Variants in RYR2 observed in about 807,000 individuals in gnomAD.
RYR2 encodes cardiac muscle ryanodine receptor-calcium release channel.
Under a neutral mutation model 601.1 loss-of-function variants are expected in RYR2, and 227 were observed. The observed-to-expected ratio is 0.38, with a 90% CI of 0.34 to 0.42. RYR2 has a LOEUF of 0.42. RYR2 is among the 10% of genes least tolerant of loss of function. The pLI is 1.00. For missense variants in RYR2, 4,646 were observed against 6,156.5 expected (o/e 0.75, Z 8.21); for synonymous variants, 2,223 against 2,175.1 (o/e 1.02, Z -0.61).
At chr1:237,695,522 T>G (rs182384669) in intron 63 of RYR2, among the ~76,000 whole-genome samples, 52 of 152,284 alleles carry the variant, frequency 3.4e-4, no homozygotes, top group Non-Finnish European at 5.9e-4. Context: ...TTATGTAAAC[T>G]TAAGTACATA....
At chr1:237,360,827 A>G (rs1699718783) in intron 4 of RYR2, among the ~76,000 whole-genome samples, 1 of 152,140 alleles carries the variant, frequency 6.6e-6, no homozygotes, top group South Asian at 2.1e-4. Context: ...TTTTCAGAGC[A>G]TCTTGGACAT....
chr1:237,698,786 C>A (rs1249469072), intron 63 of RYR2, among the ~76,000 whole-genome samples, 179 bp from the exon 64 acceptor site: 1 of 152,106 alleles, frequency 6.6e-6, no homozygotes, highest in Non-Finnish European at 1.5e-5. Flanking sequence ...TTTCTACTTA[C>A]ATTTGCATAA....
intron 17 of RYR2, among the ~76,000 whole-genome samples, chr1:237,477,514 T>C (rs1451072311): frequency 6.6e-6 from 1 of 152,204 alleles, no homozygotes; most frequent in Non-Finnish European, 1.5e-5. Context: ...AGAACTGAAG[T>C]TTTGGCTTTT....
intron 17 of RYR2, among the ~76,000 whole-genome samples, chr1:237,475,497 T>C (rs1317156892): frequency 6.6e-6 from 1 of 152,166 alleles, no homozygotes; most frequent in African/African-American, 2.4e-5. Flanking sequence ...AGAAATGATC[T>C]GAGGCCCCAA....
intron 14 of RYR2, among the ~76,000 whole-genome samples, chr1:237,452,264 T>C (rs1184846946): frequency 7.4e-6 from 1 of 134,958 alleles, no homozygotes; most frequent in Non-Finnish European, 1.6e-5. Context: ...ATAGTATATG[T>C]TATATATACT....
At chr1:237,657,847 T>G in intron 53 of RYR2, 97 bp from the exon 54 acceptor site, 150 of 603,142 alleles carry the variant, frequency 2.5e-4, no homozygotes, top group Middle Eastern at 8.3e-4. Flanking sequence ...TAAAATTGAA[T>G]GAGATATAAG....
At chr1:237,478,127 A>G (rs1307924328) in intron 17 of RYR2, among the ~76,000 whole-genome samples, 1 of 150,706 alleles carries the variant, frequency 6.6e-6, no homozygotes, top group Non-Finnish European at 1.5e-5. Context: ...TATCAAAAAC[A>G]GGGTTCATCC....
intron 1 of RYR2, among the ~76,000 whole-genome samples, chr1:237,208,964 A>ATATATATATATG (rs1558428001): frequency 9.6e-6 from 1 of 104,584 alleles, no homozygotes; most frequent in Non-Finnish European, 2.1e-5. Flanking sequence ...ATATATATAT[A>ATATATATATATG]TATATATATA....
chr1:237,170,312 C>T (rs569815678), intron 1 of RYR2, among the ~76,000 whole-genome samples: 9 of 152,204 alleles, frequency 5.9e-5, no homozygotes, highest in South Asian at 2.1e-4. Flanking sequence ...GCAGCAAGTG[C>T]CAGGCTCTTA....
At chr1:237,700,505 A>G in intron 65 of RYR2, 38 bp downstream of exon 65, 1 of 961,232 alleles carries the variant, frequency 1.0e-6, no homozygotes, top group South Asian at 1.5e-5. Flanking sequence ...TTTTTTTTTA[A>G]TCGAAATACC....
At position 237,614,545 on chromosome 1, in the gene RYR2, C is replaced by T. The variant is rs1415713582; in HGVS notation, c.5417C>T (p.Ala1806Val). The T allele has an allele frequency of 6.2e-7, 1 of 1,614,058 alleles. No individual in the cohort carries two copies. Among genetic ancestry groups the T allele is most frequent in the Middle Eastern group, 1.6e-4 (1 of 6,062 alleles). The change falls in exon 37 of 105, where the codon GCC becomes GTC. Residue 1806 changes from alanine (A) to valine (V), a missense_variant. Coordinates refer to ENST00000366574, the MANE Select transcript of RYR2 (RefSeq NM_001035.3). This position sits in a 1 kb window ranked among gnomAD's most constrained non-coding sequence, Gnocchi z 4.3. ...TEAVKEGSLH[A>V]RDPVGGTTEF... The stretch of plus-strand genomic sequence containing the variant: ...GCTGTTAAAGAGGGCAGTCTTCATG[C>T]CCGGGACCCAGTTGGAGGGACTACT...
At chr1:237,313,760 T>C (rs58490673) in intron 2 of RYR2, among the ~76,000 whole-genome samples, 13,194 of 152,152 alleles carry the variant, frequency 0.087, 1,149 homozygotes, top group African/African-American at 0.22. Context: ...TATCTCTACT[T>C]TAGTTTCTAA....
At chr1:237,253,720 G>A (rs564890870) in intron 1 of RYR2, among the ~76,000 whole-genome samples, 1 of 152,294 alleles carries the variant, frequency 6.6e-6, no homozygotes, top group South Asian at 2.1e-4. Context: ...GGTATAGTTT[G>A]CTGGTTCATC....
chr1:237,453,077 T>G (rs1367628899), intron 14 of RYR2, among the ~76,000 whole-genome samples: 4 of 152,132 alleles, frequency 2.6e-5, no homozygotes, highest in African/African-American at 9.6e-5. Context: ...TTGAATTTGT[T>G]ATACATTTAT....
chr1:237,630,435 A>G (rs1388947812), intron 41 of RYR2, among the ~76,000 whole-genome samples: 2 of 152,152 alleles, frequency 1.3e-5, no homozygotes, highest in Non-Finnish European at 2.9e-5. Context: ...ATGCTATCTA[A>G]AAGCCCTGTT....
At chr1:237,600,413 A>G (rs1676375470) in intron 34 of RYR2, among the ~76,000 whole-genome samples, 1 of 152,200 alleles carries the variant, frequency 6.6e-6, no homozygotes, top group African/African-American at 2.4e-5. Flanking sequence ...GAAGAATGAA[A>G]TTGGACCCCT....
At chr1:237,191,604 G>A (rs761694942) in intron 1 of RYR2, among the ~76,000 whole-genome samples, 7 of 152,230 alleles carry the variant, frequency 4.6e-5, no homozygotes, top group East Asian at 3.9e-4. Flanking sequence ...TGCGTGTTCC[G>A]ATTGAGGCTG....
intron 1 of RYR2, among the ~76,000 whole-genome samples, chr1:237,091,440 G>C (rs1238889413): frequency 2.7e-5 from 4 of 149,184 alleles, no homozygotes; most frequent in African/African-American, 1.0e-4. Flanking sequence ...GGGGGGGCGG[G>C]GGGGGATAGG....
chr1:237,151,431 G>A (rs957568836), intron 1 of RYR2, among the ~76,000 whole-genome samples: 11 of 152,152 alleles, frequency 7.2e-5, no homozygotes, highest in Non-Finnish European at 1.6e-4. Context: ...TCTTTGAATG[G>A]TTGCTGATGT....
Sources: allele counts gnomAD v4.1 joint callset (sites outside exome capture counted in the v4.1 genomes callset), GRCh38; gene constraint gnomAD v4.1.1; non-coding constraint Gnocchi (gnomAD v3.1); transcripts MANE v1.5; gene names NCBI Gene and HGNC (gene_info 2026-07-23, HGNC 2026-07-21).